Variants in GTF3C3 observed in about 807,000 individuals in gnomAD.
GTF3C3 encodes general transcription factor IIIC subunit 3, also known as general transcription factor 3C polypeptide 3.
Under a neutral mutation model 105.2 loss-of-function variants are expected in GTF3C3, and 75 were observed. The observed-to-expected ratio is 0.71, with a 90% CI of 0.59 to 0.86. The LOEUF is 0.86. Among genes scored for constraint, GTF3C3 ranks in the 40% least tolerant of loss-of-function variants. The pLI is 0.00. For missense variants in GTF3C3, 856 were observed against 1,076.5 expected (o/e 0.80, Z 2.87); for synonymous variants, 335 against 370.4 (o/e 0.90, Z 1.10).
intron 5 of GTF3C3, 54 bp from the exon 6 acceptor site, chr2:196,789,423 G>T: frequency 8.1e-7 from 1 of 1,240,080 alleles, no homozygotes; most frequent in Non-Finnish European, 1.1e-6. Flanking sequence ...CATGGTACCT[G>T]GGTGTGATCC....
At chr2:196,774,303 TAAG>T (rs2125741546) in intron 13 of GTF3C3, among the ~76,000 whole-genome samples, 1 of 152,178 alleles carries the variant, frequency 6.6e-6, no homozygotes, top group African/African-American at 2.4e-5. Flanking sequence ...TGCCAAAAAA[TAAG>T]AAAATGATTA....
rs532885731 is a variant in GTF3C3, at chr2:196,791,574, T to G, written c.412-114A>C. The G allele has an allele frequency of 5.0e-6, 5 of 990,154 alleles. No individual in the cohort carries two copies. The African/African-American group carries it at 8.2e-5, about 16-fold the overall frequency. The allele number at this position is 990,154 out of a possible 1,614,324, so 61.3% of individuals were successfully genotyped here. A position where few individuals can be genotyped will look rare whatever the true frequency, so the allele number is the denominator to read the frequency against. ...GAAACTGAAATTTTCCTTTAAAAAT[T>G]TTCAGTTTTTGCAACCCAGAACTAA... On this transcript the variant is annotated intron_variant, in intron 3 of 17. Coordinates refer to ENST00000263956, the MANE Select transcript of GTF3C3 (RefSeq NM_012086.5).
At chr2:196,794,173 C>T (rs1243461675) in intron 2 of GTF3C3, among the ~76,000 whole-genome samples, 1 of 152,122 alleles carries the variant, frequency 6.6e-6, no homozygotes, top group African/African-American at 2.4e-5. Context: ...TACCCTACAT[C>T]GTCTTGGGAC....
At chr2:196,795,601 AAAATT>A (rs1699629043) in intron 2 of GTF3C3, among the ~76,000 whole-genome samples, 1 of 152,264 alleles carries the variant, frequency 6.6e-6, no homozygotes, top group African/African-American at 2.4e-5. Context: ...AGCATTTGAT[AAAATT>A]CAATACCCAT....
intron 10 of GTF3C3, chr2:196,778,030 T>C (rs1230321775): frequency 2.6e-5 from 4 of 152,210 alleles, no homozygotes; most frequent in Non-Finnish European, 5.9e-5. Context: ...ATCTTAATCA[T>C]TAAGTGCTCT....
intron 13 of GTF3C3, chr2:196,773,540 A>T (rs1333712957): frequency 3.3e-6 from 1 of 307,202 alleles, no homozygotes; most frequent in African/African-American, 2.2e-5. Context: ...AGTTTCATGC[A>T]AGGCAATTTT....
chr2:196,799,410 A>G (rs1459160460), intron 1 of GTF3C3, 100 bp downstream of exon 1: 2 of 855,474 alleles, frequency 2.3e-6, no homozygotes, highest in Non-Finnish European at 3.9e-6. Context: ...GAAAGTTCCC[A>G]GCCCGCCCCA....
chr2:196,799,222 A>G (rs1699702769), intron 1 of GTF3C3: 1 of 322,072 alleles, frequency 3.1e-6, no homozygotes, highest in South Asian at 4.1e-5. Context: ...TCTTCTCCCC[A>G]CCTCCCATTT....
chr2:196,789,393 A>T, intron 5 of GTF3C3, 24 bp from the exon 6 acceptor site: 13 of 1,543,158 alleles, frequency 8.4e-6, no homozygotes, highest in Non-Finnish European at 1.1e-5. Context: ...AATACAAATT[A>T]TTTACCACAA....
chr2:196,771,766 T>C lies in GTF3C3; in HGVS notation c.2242A>G (p.Ser748Gly). The stretch of plus-strand genomic sequence containing the variant: ...CACTTACCAAGCGCATGCTTAAAAC[T>C]ACCAGATACAAATGCATTGTGTCCA... ...LNGHNAFVSG[S>G]FKHALGQYVQ... The change falls in exon 15 of 18, where the codon AGT (serine) becomes GGT (glycine). Residue 748 changes from serine to glycine, a missense_variant. Physicochemically the swap from Ser to Gly is moderately conservative, Grantham distance 56 (BLOSUM62 0). This residue lies in a region of GTF3C3 where 605 missense variants were observed against 833.6 expected (regional missense o/e 0.73). Transcript: ENST00000263956. 6.2e-7 allele frequency: 1 copy of C among 1,612,630 alleles called. No individual in the cohort carries two copies.
At chr2:196,777,190 CAT>C (rs1297071671) in intron 10 of GTF3C3, among the ~76,000 whole-genome samples, 2 of 152,174 alleles carry the variant, frequency 1.3e-5, no homozygotes, top group African/African-American at 4.8e-5. Context: ...CCCATTCCCA[CAT>C]GACACATCAG....
rs1383579182 is a variant in GTF3C3, at chr2:196,763,227, A to AAT, written c.*1334_*1335dup. 1.3e-5 allele frequency: 2 copies of AAT among 152,180 alleles called. No homozygotes were observed. The highest frequency in any genetic ancestry group is 1.3e-4 in the Admixed American group (2 of 15,270). 9.4% of individuals were successfully genotyped at this position (152,180 alleles called of 1,614,324 possible). A position where few individuals can be genotyped will look rare whatever the true frequency, so the allele number is the denominator to read the frequency against. On this transcript the variant is annotated 3_prime_UTR_variant, in exon 18 of 18. Transcript: ENST00000263956. ...TTTTAAAAGCTAAACAAAACTATAC[A>AAT]ATATCAGCTGGTTTTTTTTTCCCTT...
intron 3 of GTF3C3, among the ~76,000 whole-genome samples, chr2:196,792,521 T>TTGTCTGTG (rs1192351256): frequency 1.3e-5 from 2 of 152,186 alleles, no homozygotes; most frequent in African/African-American, 2.4e-5. Context: ...AATTAAGGTT[T>TTGTCTGTG]TGTCTGTGTG....
At chr2:196,768,207 A>G (rs1699106578) in intron 16 of GTF3C3, among the ~76,000 whole-genome samples, 1 of 150,974 alleles carries the variant, frequency 6.6e-6, no homozygotes, top group Non-Finnish European at 1.5e-5. Context: ...TATTAAGACC[A>G]TGTTTCACCA....
At position 196,773,077 on chromosome 2, in the gene GTF3C3, T is replaced by C. The variant is rs1179052473; in HGVS notation, c.1908A>G (p.Leu636=). 1 of 1,613,508 alleles carries C rather than the reference T, an allele frequency of 6.2e-7. No individual in the cohort carries two copies. Among genetic ancestry groups the C allele is most frequent in the Non-Finnish European group, 8.5e-7 (1 of 1,179,498 alleles). ...WNLLLKAIYS[L]CDLSRFQEAE... ...CCTCTTGAAATCGGGATAGGTCACA[T>C]AAGGAGTATATGGCCTTCAACAGAA... Residue 636 remains leucine, a synonymous_variant, in exon 14 of 18, where the codon TTA becomes TTG. Coordinates refer to ENST00000263956, the MANE Select transcript of GTF3C3 (RefSeq NM_012086.5).
chr2:196,768,056 C>G (rs929788682), intron 16 of GTF3C3, among the ~76,000 whole-genome samples: 2 of 152,244 alleles, frequency 1.3e-5, no homozygotes, highest in Non-Finnish European at 2.9e-5. Context: ...GAGTCTTGCT[C>G]TATCACACAG....
At chr2:196,797,604 AAAT>A (rs1283651588) in intron 2 of GTF3C3, among the ~76,000 whole-genome samples, 190 bp downstream of exon 2, 3 of 152,204 alleles carry the variant, frequency 2.0e-5, no homozygotes, top group Non-Finnish European at 4.4e-5. Context: ...AGCTCACAAA[AAAT>A]AACCATCAGG....
In GTF3C3 at chr2:196,764,516, G is replaced by C. The variant is rs746781883; in HGVS notation, c.*47C>G. The stretch of plus-strand genomic sequence containing the variant: ...AATAAGCCCTGAGACAGAAGACACT[G>C]GTCCTCACACAGCAGCTGCCATTGC... On this transcript the variant is annotated 3_prime_UTR_variant, in exon 18 of 18. Coordinates refer to ENST00000263956, the MANE Select transcript of GTF3C3 (RefSeq NM_012086.5). The C allele has an allele frequency of 1.3e-6, 2 of 1,553,498 alleles. No homozygotes were observed.
chr2:196,785,389 G>A (rs1384883689), intron 7 of GTF3C3, 52 bp downstream of exon 7: 5 of 1,420,620 alleles, frequency 3.5e-6, no homozygotes, highest in East Asian at 4.7e-5. Flanking sequence ...AGAATTTCCA[G>A]AACACAGAAA....
Sources: gnomAD v4.1 joint callset for allele counts (sites outside exome capture counted in the v4.1 genomes callset) on GRCh38, gnomAD v4.1.1 for gene constraint, gnomAD v4.1.1 regional missense constraint, MANE v1.5 for transcripts, NCBI Gene and HGNC (gene_info 2026-07-23, HGNC 2026-07-21) for gene names.